The following LRRIQ4 variants were observed in gnomAD, a reference collection of about 807,000 sequenced individuals.
LRRIQ4 encodes the protein leucine-rich repeat and IQ domain-containing protein 4.
In LRRIQ4, 21 loss-of-function variants were observed where a neutral mutation model predicts 40.1. That is an observed-to-expected ratio of 0.52 (90% CI 0.37 to 0.75). LRRIQ4 has a LOEUF of 0.75. Ranked by LOEUF, LRRIQ4 falls within the 30% of genes least tolerant of loss-of-function variation. The pLI is 0.00. For missense variants in LRRIQ4, 655 were observed against 660.0 expected (o/e 0.99, Z 0.08); for synonymous variants, 277 against 277.1 (o/e 1.00, Z 0.00).
chr3:169,823,858 C>T (rs1384418540), intron 2 of LRRIQ4, among the ~76,000 whole-genome samples: 1 of 151,958 alleles, frequency 6.6e-6, no homozygotes, highest in Admixed American at 6.6e-5. Context: ...TTATGGGAGA[C>T]AATCTAAATG....
At position 169,832,998 on chromosome 3, in the gene LRRIQ4, T is replaced by G; in HGVS notation, c.1345T>G (p.Leu449Val). Residue 449 changes from leucine to valine, a missense_variant, in exon 5 of 6, where the codon TTA (leucine) becomes GTA (valine). Leu to Val is a conservative substitution (Grantham distance 32). Coordinates refer to ENST00000340806, the MANE Select transcript of LRRIQ4 (RefSeq NM_001080460.3). The part of the protein sequence containing the change: ...AICQAQALKE[L>V]RLEDNLLTHL... ...AAAAATCTTTTCAGCTTTGAAAGAA[T>G]TACGGCTGGAGGACAACTTGCTCAC... 1 of 1,609,882 alleles carries G rather than the reference T, an allele frequency of 6.2e-7. No individual in the cohort carries two copies. Among genetic ancestry groups the G allele is most frequent in the South Asian group, 1.1e-5 (1 of 89,824 alleles).
chr3:169,822,488 C>G lies in LRRIQ4; in HGVS notation c.567C>G (p.Thr189=). ...VFPQELCVLY[T]LEIIDLDENK... is the part of the protein sequence containing the mutation. ...CCCAGGAGCTCTGTGTTCTCTACAC[C>G]CTGGAAATCATTGACCTGGACGAGA... The change falls in exon 2 of 6, where the codon ACC becomes ACG. Residue 189 remains threonine (T), a synonymous_variant. Coordinates refer to ENST00000340806, the MANE Select transcript of LRRIQ4 (RefSeq NM_001080460.3). 6.2e-7 allele frequency: 1 copy of G among 1,613,964 alleles called. No homozygotes were observed. Among genetic ancestry groups the G allele is most frequent in the Non-Finnish European group, 8.5e-7 (1 of 1,179,888 alleles).
At chr3:169,815,128 G>T (rs73034281) in intron 1 of LRRIQ4, among the ~76,000 whole-genome samples, 1 of 151,978 alleles carries the variant, frequency 6.6e-6, no homozygotes, top group South Asian at 2.1e-4. Flanking sequence ...GATCTTTTGT[G>T]GTTTCATACA....
At chr3:169,837,367 C>A in intron 5 of LRRIQ4, 112 bp from the exon 6 acceptor site, 1 of 1,187,186 alleles carries the variant, frequency 8.4e-7, no homozygotes, top group Non-Finnish European at 1.2e-6. Context: ...GTTCTAATCA[C>A]ATCCCATTCT....
chr3:169,830,376 T>TAAAAAAA (rs1560614440), intron 3 of LRRIQ4, 116 bp from the exon 4 acceptor site: 1 of 308,770 alleles, frequency 3.2e-6, no homozygotes, highest in Non-Finnish European at 4.7e-6. Context: ...CCACTGAAAG[T>TAAAAAAA]GAAAAAAAAA....
intron 5 of LRRIQ4, among the ~76,000 whole-genome samples, chr3:169,833,929 T>A (rs1256387305): frequency 6.6e-6 from 1 of 152,190 alleles, no homozygotes. Context: ...CTCCCTTTTA[T>A]GATAAATCTT....
intron 1 of LRRIQ4, among the ~76,000 whole-genome samples, chr3:169,814,907 A>G (rs1057204601): frequency 6.6e-6 from 1 of 152,222 alleles, no homozygotes; most frequent in Non-Finnish European, 1.5e-5. Flanking sequence ...TTTCCCCAAT[A>G]TATGTTACTG....
intron 1 of LRRIQ4, among the ~76,000 whole-genome samples, chr3:169,815,248 T>C (rs1261882918): frequency 6.6e-6 from 1 of 152,224 alleles, no homozygotes; most frequent in Non-Finnish European, 1.5e-5. Flanking sequence ...TTAACAATAA[T>C]TATTATTCTA....
intron 4 of LRRIQ4, among the ~76,000 whole-genome samples, chr3:169,831,261 CTTTTTTTTTTTTTTT>C (rs869088396): frequency 3.0e-5 from 1 of 33,460 alleles, no homozygotes; most frequent in East Asian, 8.4e-4. Context: ...TATGGCTATT[CTTTTTTTTTTTTTTT>C]TTTTTTTTTT....
intron 1 of LRRIQ4, among the ~76,000 whole-genome samples, chr3:169,815,804 T>C (rs1209875893): frequency 6.6e-6 from 1 of 152,232 alleles, no homozygotes; most frequent in Non-Finnish European, 1.5e-5. Flanking sequence ...CGTGTTGAGG[T>C]ATCTTCCATC....
At chr3:169,828,596 A>G (rs35908947) in intron 2 of LRRIQ4, among the ~76,000 whole-genome samples, 163 bp from the exon 3 acceptor site, 1 of 152,198 alleles carries the variant, frequency 6.6e-6, no homozygotes, top group Admixed American at 6.5e-5. Flanking sequence ...TAGATCTACA[A>G]GTATAAATAC....
intron 5 of LRRIQ4, among the ~76,000 whole-genome samples, chr3:169,836,047 T>C (rs1283618317): frequency 6.6e-6 from 1 of 152,202 alleles, no homozygotes; most frequent in Non-Finnish European, 1.5e-5. Flanking sequence ...CACCAGACAC[T>C]GTTCTAAGCA....
Position 169,822,724 on chromosome 3 carries a change from G to A in LRRIQ4, c.803G>A (p.Arg268His). 2.5e-6 allele frequency: 4 copies of A among 1,613,866 alleles called. No homozygotes were observed. The highest frequency in any genetic ancestry group is 2.2e-5 in the South Asian group (2 of 91,060). Residue 268 changes from arginine (R) to histidine (H), a missense_variant, in exon 2 of 6, where the codon CGC becomes CAC. Arg to His is a conservative substitution (Grantham distance 29, BLOSUM62 0). Transcript: ENST00000340806. ...KMTEIGLSGN[R>H]LEKVPRLICR... ...ACGGAAATCGGGCTGAGCGGGAACC[G>A]CCTGGAGAAGGTGCCACGCCTCATT...
intron 4 of LRRIQ4, among the ~76,000 whole-genome samples, chr3:169,832,121 A>AT (rs1780193464): frequency 1.3e-5 from 2 of 151,700 alleles, no homozygotes; most frequent in African/African-American, 2.4e-5. Context: ...AGTGTTTTCT[A>AT]TTTTTCTGTC....
At chr3:169,835,500 G>T (rs1560616819) in intron 5 of LRRIQ4, among the ~76,000 whole-genome samples, 1 of 151,806 alleles carries the variant, frequency 6.6e-6, no homozygotes, top group Admixed American at 6.6e-5. Flanking sequence ...TGGGATGGGG[G>T]ATCTGCAGTT....
At chr3:169,821,830 G>A (rs530325509) in intron 1 of LRRIQ4, 61 bp from the exon 2 acceptor site, 10 of 825,078 alleles carry the variant, frequency 1.2e-5, no homozygotes, top group East Asian at 6.0e-5. Context: ...TTTTTCTTAA[G>A]GATAGCAAGT....
intron 2 of LRRIQ4, among the ~76,000 whole-genome samples, chr3:169,824,280 G>T (rs923196810): frequency 6.6e-6 from 1 of 152,056 alleles, no homozygotes; most frequent in Non-Finnish European, 1.5e-5. Context: ...AGTTTAGGGG[G>T]CCAAGGAGGG....
rs1448032563 is a variant in LRRIQ4 at position 169,822,809 on chromosome 3, G to A, written c.888G>A (p.Arg296=). The change falls in exon 2 of 6, where the codon CGG becomes CGA. Residue 296 remains arginine, a synonymous_variant. Transcript: ENST00000340806. ...GAAACACCGGCCTGCACAGGCTGCGGGGCTCCTTCAGGTGCCTGGTCAACT... is the reference window on the plus strand; with the variant it reads ...GAAACACCGGCCTGCACAGGCTGCGAGGCTCCTTCAGGTGCCTGGTCAACT... ...YLGNTGLHRL[R]GSFRCLVNLR... 1 of 1,613,724 alleles carries A rather than the reference G, an allele frequency of 6.2e-7. No homozygotes were observed. The highest frequency in any genetic ancestry group is 2.2e-5 in the East Asian group (1 of 44,884).
intron 3 of LRRIQ4, 80 bp from the exon 4 acceptor site, chr3:169,830,412 C>G: frequency 6.3e-6 from 1 of 158,392 alleles, no homozygotes; most frequent in Non-Finnish European, 1.1e-5. Flanking sequence ...AAAAAAAATG[C>G]ATGAGCACCC....
Sources: allele counts gnomAD v4.1 joint callset (sites outside exome capture counted in the v4.1 genomes callset), GRCh38; gene constraint gnomAD v4.1.1; transcripts MANE v1.5; gene names NCBI Gene and HGNC (gene_info 2026-07-23, HGNC 2026-07-21).